Variants in ERC2 observed in about 807,000 individuals in gnomAD.
ERC2 encodes ERC protein 2.
ERC2 carries 42 observed loss-of-function variants against 114.8 expected under a neutral mutation model. The ratio of observed to expected loss-of-function variants is 0.37; its 90% CI spans 0.29 to 0.47. ERC2 has a LOEUF of 0.47. Ranked by LOEUF, ERC2 falls within the 20% of genes least tolerant of loss-of-function variation. ERC2 has a pLI of 0.99. For missense variants in ERC2, 939 were observed against 1,150.7 expected, an observed-to-expected ratio of 0.82 and a Z score of 2.66; for synonymous variants, 454 against 425.5, an observed-to-expected ratio of 1.07 and a Z score of -0.82.
At chr3:55,670,276 A>G (rs1415576724) in intron 17 of ERC2, among the ~76,000 whole-genome samples, 1 of 152,208 alleles carries the variant, frequency 6.6e-6, no homozygotes, top group Admixed American at 6.5e-5. Context: ...CTACTCATGA[A>G]AAAAGGGAAG....
At chr3:56,363,021 C>A in intron 2 of ERC2, among the ~76,000 whole-genome samples, 1 of 152,266 alleles carries the variant, frequency 6.6e-6, no homozygotes, top group East Asian at 1.9e-4. Flanking sequence ...CATGCAGAAA[C>A]AAATGGTAGT....
At chr3:55,779,239 T>C (rs1394238384) in intron 14 of ERC2, among the ~76,000 whole-genome samples, 2 of 147,730 alleles carry the variant, frequency 1.4e-5, no homozygotes, top group African/African-American at 5.0e-5. Flanking sequence ...CCTAGCACTT[T>C]GGGAGGCCGA....
At chr3:56,263,640 A>G (rs1017497699) in intron 3 of ERC2, among the ~76,000 whole-genome samples, 3 of 152,216 alleles carry the variant, frequency 2.0e-5, no homozygotes, top group African/African-American at 7.2e-5. Context: ...GACCAAACCA[A>G]TAACAAATAT....
At chr3:56,295,818 A>G (rs959373462) in intron 3 of ERC2, among the ~76,000 whole-genome samples, 5 of 152,188 alleles carry the variant, frequency 3.3e-5, no homozygotes, top group Non-Finnish European at 5.9e-5. Context: ...TGTGCTGAAT[A>G]ATAATGGAAT....
At chr3:56,033,009 A>AAG (rs1560057861) in intron 7 of ERC2, among the ~76,000 whole-genome samples, 2 of 141,868 alleles carry the variant, frequency 1.4e-5, no homozygotes, top group African/African-American at 5.2e-5. Flanking sequence ...GAAAGAAAGA[A>AAG]AGAAAGAAAG....
chr3:55,924,923 T>C (rs2065660907), intron 13 of ERC2, among the ~76,000 whole-genome samples: 3 of 152,178 alleles, frequency 2.0e-5, no homozygotes, highest in Admixed American at 6.5e-5. Context: ...TTGGTTATAG[T>C]ATGCACTACC....
chr3:55,635,857 T>TTTTTATTTTA (rs200062457), intron 17 of ERC2, among the ~76,000 whole-genome samples: 55 of 151,054 alleles, frequency 3.6e-4, no homozygotes, highest in Middle Eastern at 3.4e-3. Context: ...TTAATTTTTA[T>TTTTTATTTTA]TTTTATTTTA....
At chr3:55,700,794 G>A (rs815443) in intron 15 of ERC2, among the ~76,000 whole-genome samples, 46,158 of 151,914 alleles carry the variant, frequency 0.3, 7,596 homozygotes, top group African/African-American at 0.43. Context: ...TTATCCGTCC[G>A]TATGTCTGTA....
chr3:55,923,573 T>C (rs2065565823), intron 13 of ERC2, among the ~76,000 whole-genome samples: 1 of 152,130 alleles, frequency 6.6e-6, no homozygotes, highest in South Asian at 2.1e-4. Context: ...AAGGAATTAT[T>C]TTCAATTTAT....
At chr3:56,016,814 A>C (rs897247723) in intron 8 of ERC2, among the ~76,000 whole-genome samples, 1 of 152,084 alleles carries the variant, frequency 6.6e-6, no homozygotes, top group African/African-American at 2.4e-5. Flanking sequence ...CTCCCCAGTT[A>C]ATTAGTGGCT....
intron 3 of ERC2, among the ~76,000 whole-genome samples, chr3:56,206,654 T>C (rs1205616421): frequency 6.6e-6 from 1 of 152,204 alleles, no homozygotes; most frequent in African/African-American, 2.4e-5. Context: ...AAAATACTTG[T>C]AGCACATATG....
At chr3:55,968,736 C>A (rs2068933611) in intron 12 of ERC2, among the ~76,000 whole-genome samples, 1 of 152,154 alleles carries the variant, frequency 6.6e-6, no homozygotes, top group Non-Finnish European at 1.5e-5. Context: ...TTCTCATTAA[C>A]AATAATGAGA....
At chr3:56,405,082 G>A (rs1361163087) in intron 2 of ERC2, among the ~76,000 whole-genome samples, 1 of 152,188 alleles carries the variant, frequency 6.6e-6, no homozygotes, top group Non-Finnish European at 1.5e-5. Context: ...TAAAGGATGT[G>A]TGGGGAGAAA....
chr3:55,979,874 TC>T (rs1178042701), intron 12 of ERC2, among the ~76,000 whole-genome samples: 1 of 151,828 alleles, frequency 6.6e-6, no homozygotes, highest in Non-Finnish European at 1.5e-5. Context: ...GCCCAGTAGT[TC>T]AAGGGTGCAG....
At chr3:55,653,694 G>T (rs1126230) in intron 17 of ERC2, among the ~76,000 whole-genome samples, 72,061 of 151,824 alleles carry the variant, frequency 0.47, 17,963 homozygotes, top group East Asian at 0.59. Flanking sequence ...TTCACTATAT[G>T]CATCTTCTAG....
At chr3:55,790,923 A>T (rs181569958) in intron 14 of ERC2, among the ~76,000 whole-genome samples, 1,591 of 152,358 alleles carry the variant, frequency 0.01, 12 homozygotes, top group Middle Eastern at 0.031. Flanking sequence ...TCAAAAGACC[A>T]AGTTCACTTC....
rs1303126959 is a variant in ERC2 at position 55,675,895 on chromosome 3, TTTTCTTTC to T, written c.*39+7891_*39+7898del. Among the ~76,000 whole-genome samples, 5 of 105,392 alleles carry T rather than the reference TTTTCTTTC, an allele frequency of 4.7e-5. 1 individual carries two copies. The highest frequency in any genetic ancestry group is 1.0e-4 in the Admixed American group (1 of 9,706). The allele number at this position is 105,392 out of a possible 152,430, so 69.1% of individuals were successfully genotyped here. On this transcript the variant is annotated intron_variant, in intron 17 of 17. Coordinates refer to ENST00000288221, the MANE Select transcript of ERC2 (RefSeq NM_015576.3). ...AAAACCCTTTCCATCTTTCTTTCTC[TTTTCTTTC>T]TTTTTTTTTTTTTTTTTTTTTTTTT...
At chr3:55,919,383 A>C (rs969650583) in intron 13 of ERC2, among the ~76,000 whole-genome samples, 1 of 152,204 alleles carries the variant, frequency 6.6e-6, no homozygotes, top group African/African-American at 2.4e-5. Context: ...TCTCTAAAAA[A>C]AATCATTTAA....
intron 14 of ERC2, among the ~76,000 whole-genome samples, chr3:55,869,561 G>A (rs1013457531): frequency 2.0e-5 from 3 of 151,972 alleles, no homozygotes; most frequent in East Asian, 1.9e-4. Context: ...CACACAGGTC[G>A]TAGTCTCAGT....
Sources: gnomAD v4.1 joint callset for allele counts (sites outside exome capture counted in the v4.1 genomes callset) on GRCh38, gnomAD v4.1.1 for gene constraint, MANE v1.5 for transcripts, NCBI Gene and HGNC (gene_info 2026-07-23, HGNC 2026-07-21) for gene names.